The following ARID2 variants were observed in gnomAD, a reference collection of about 807,000 sequenced individuals.
The protein encoded by ARID2 is AT-rich interactive domain-containing protein 2.
ARID2 carries 32 observed loss-of-function variants against 184.6 expected under a neutral mutation model. The ratio of observed to expected loss-of-function variants is 0.17; its 90% CI spans 0.13 to 0.23. ARID2 has a LOEUF of 0.23. Among genes scored for constraint, ARID2 ranks in the 10% least tolerant of loss-of-function variants. The pLI, the probability that ARID2 is intolerant of heterozygous loss-of-function variation, is 1.00. For missense variants in ARID2, 1,696 were observed against 2,197.6 expected, an observed-to-expected ratio of 0.77 and a Z score of 4.56; for synonymous variants, 836 against 772.6, an observed-to-expected ratio of 1.08 and a Z score of -1.36.
chr12:45,904,638 C>A (rs1404304171), intron 20 of ARID2, among the ~76,000 whole-genome samples: 2 of 136,066 alleles, frequency 1.5e-5, no homozygotes, highest in Non-Finnish European at 3.0e-5. Flanking sequence ...TTGCAGTGAG[C>A]TAAGATTGCG....
intron 3 of ARID2, among the ~76,000 whole-genome samples, chr12:45,785,202 C>G (rs79858605): frequency 6.6e-6 from 1 of 152,082 alleles, no homozygotes; most frequent in African/African-American, 2.4e-5. Flanking sequence ...ACAGAGTGCC[C>G]TAAAGTTAAA....
In ARID2 at chr12:45,849,687, T is replaced by C; in HGVS notation, c.1823T>C (p.Ile608Thr). ...AAACGGAGGGCTATACCACTTCCCA[T>C]TCAGATGTACTATCAGCAGCAACCA... ...GVKRRAIPLPIQMYYQQQPVS... is the reference protein window; with the variant it reads ...GVKRRAIPLPTQMYYQQQPVS... Residue 608 changes from isoleucine to threonine, a missense_variant, in exon 14 of 21, where the codon ATT becomes ACT. Physicochemically the swap from Ile to Thr is moderately conservative, Grantham distance 89. Coordinates refer to ENST00000334344, the MANE Select transcript of ARID2 (RefSeq NM_152641.4). The C allele has an allele frequency of 1.2e-6, 2 of 1,613,958 alleles. No homozygotes were observed. Among genetic ancestry groups the C allele is most frequent in the South Asian group, 2.2e-5 (2 of 91,070 alleles).
intron 6 of ARID2, among the ~76,000 whole-genome samples, chr12:45,834,639 A>G (rs933050633): frequency 7.9e-5 from 12 of 152,154 alleles, no homozygotes; most frequent in Non-Finnish European, 1.8e-4. Flanking sequence ...GCTACTTGGG[A>G]GGTTGAGGCA....
intron 5 of ARID2, 74 bp from the exon 6 acceptor site, chr12:45,821,346 C>A (rs1942891057): frequency 5.5e-6 from 5 of 904,986 alleles, no homozygotes; most frequent in South Asian, 2.0e-5. Context: ...TTTTTCCAAG[C>A]CTATTATTAA....
intron 20 of ARID2, among the ~76,000 whole-genome samples, chr12:45,901,849 A>C (rs555740008): frequency 1.3e-5 from 2 of 151,944 alleles, no homozygotes; most frequent in Non-Finnish European, 2.9e-5. Flanking sequence ...ATTTTCTGTA[A>C]GGTGGGGGGT....
intron 15 of ARID2, among the ~76,000 whole-genome samples, 179 bp downstream of exon 15, chr12:45,853,075 CAT>C (rs1482342812): frequency 5.9e-5 from 9 of 152,178 alleles, no homozygotes; most frequent in Non-Finnish European, 1.0e-4. Context: ...AATTTTAGCA[CAT>C]GATTTAAAGA....
intron 16 of ARID2, among the ~76,000 whole-genome samples, chr12:45,890,781 G>T (rs1295334075): frequency 6.6e-6 from 1 of 151,858 alleles, no homozygotes; most frequent in East Asian, 1.9e-4. Flanking sequence ...CTAGATATTT[G>T]TTACACGTTA....
intron 3 of ARID2, among the ~76,000 whole-genome samples, chr12:45,775,299 T>C (rs1013908551): frequency 6.6e-6 from 1 of 152,162 alleles, no homozygotes; most frequent in Non-Finnish European, 1.5e-5. Flanking sequence ...TATTTTTGGA[T>C]CATTGCCCTC....
intron 3 of ARID2, among the ~76,000 whole-genome samples, chr12:45,741,238 C>T (rs1016001301): frequency 6.6e-6 from 1 of 152,114 alleles, no homozygotes; most frequent in African/African-American, 2.4e-5. Flanking sequence ...TCTCAAAACA[C>T]CCAGGCTGGA....
intron 3 of ARID2, chr12:45,789,793 C>T (rs1331871617): frequency 1.3e-5 from 2 of 152,042 alleles, no homozygotes; most frequent in Admixed American, 6.6e-5. Flanking sequence ...ATAATGTGAC[C>T]CTTCTTGAAC....
chr12:45,813,625 T>G (rs184871072), intron 4 of ARID2, among the ~76,000 whole-genome samples: 1 of 152,142 alleles, frequency 6.6e-6, no homozygotes, highest in African/African-American at 2.4e-5. Flanking sequence ...ATACTTTTAT[T>G]GTTGACATTA....
At chr12:45,782,679 G>A (rs1453019325) in intron 3 of ARID2, among the ~76,000 whole-genome samples, 1 of 152,016 alleles carries the variant, frequency 6.6e-6, no homozygotes, top group African/African-American at 2.4e-5. Flanking sequence ...TGTGCTTGAT[G>A]TCATATATAC....
In ARID2 at chr12:45,850,205, G is replaced by T. The variant is rs781048448; in HGVS notation, c.2082G>T (p.Gln694His). 6.4e-5 allele frequency: 103 copies of T among 1,613,950 alleles called. No homozygotes were observed. Among genetic ancestry groups the T allele is most frequent in the Non-Finnish European group, 8.3e-5 (98 of 1,179,998 alleles). Residue 694 changes from glutamine to histidine, a missense_variant, in exon 15 of 21, where the codon CAG becomes CAT. By Grantham distance (24) the Gln-to-His change is conservative (BLOSUM62 0). This residue lies in a region of ARID2 where 713 missense variants were observed against 824.4 expected (regional missense o/e 0.86). Coordinates refer to ENST00000334344, the MANE Select transcript of ARID2 (RefSeq NM_152641.4). ...AAAATCCTTCACCTCATACCCACCA[G>T]CAACAAAATGCTCCAGTGACTGTCA... ...IPQNPSPHTH[Q>H]QQNAPVTVIQ...
chr12:45,730,036 T>G lies in ARID2; in HGVS notation c.93-8T>G. 1 of 1,612,730 alleles carries G rather than the reference T, an allele frequency of 6.2e-7. No individual in the cohort carries two copies. Among genetic ancestry groups the G allele is most frequent in the African/African-American group, 1.3e-5 (1 of 74,880 alleles). On this transcript the variant is annotated splice_polypyrimidine_tract_variant and splice_region_variant and intron_variant, in intron 1 of 20. Transcript: ENST00000334344. Reference sequence around the variant, plus strand: ...GCTGACAAGTGCGGGGCTTTTTCTCTCCCGCAGGTCGCCTTTTAAAAAAAT... The same window carrying G: ...GCTGACAAGTGCGGGGCTTTTTCTCGCCCGCAGGTCGCCTTTTAAAAAAAT...
At chr12:45,793,428 C>G (rs527997719) in intron 3 of ARID2, among the ~76,000 whole-genome samples, 1 of 151,716 alleles carries the variant, frequency 6.6e-6, no homozygotes, top group Admixed American at 6.6e-5. Flanking sequence ...ATTATTTACA[C>G]TCACCCTTGA....
intron 6 of ARID2, among the ~76,000 whole-genome samples, chr12:45,828,752 T>G (rs1715513467): frequency 6.6e-6 from 1 of 152,100 alleles, no homozygotes; most frequent in Non-Finnish European, 1.5e-5. Flanking sequence ...TGATAGCTTC[T>G]TTTAGGCAGT....
chr12:45,902,073 A>G (rs1242319760), intron 20 of ARID2, among the ~76,000 whole-genome samples: 1 of 152,190 alleles, frequency 6.6e-6, no homozygotes, highest in African/African-American at 2.4e-5. Flanking sequence ...TTGTATCCTA[A>G]ATGGTTTTTA....
At chr12:45,733,240 GT>G (rs1222518001) in intron 3 of ARID2, among the ~76,000 whole-genome samples, 15 of 152,182 alleles carry the variant, frequency 9.9e-5, no homozygotes, top group Admixed American at 9.8e-4. Flanking sequence ...AAATATGCTG[GT>G]CAAAACTTAG....
chr12:45,822,474 A>C (rs1942916387), intron 6 of ARID2, among the ~76,000 whole-genome samples: 1 of 152,166 alleles, frequency 6.6e-6, no homozygotes, highest in Non-Finnish European at 1.5e-5. Flanking sequence ...TGGGAATTTG[A>C]GGCTGCAGTG....
Sources: allele counts gnomAD v4.1 joint callset (sites outside exome capture counted in the v4.1 genomes callset), GRCh38; gene constraint gnomAD v4.1.1; regional missense constraint gnomAD v4.1.1; transcripts MANE v1.5; gene names NCBI Gene and HGNC (gene_info 2026-07-23, HGNC 2026-07-21).